The following LTV1 variants were observed in gnomAD, a reference collection of about 807,000 sequenced individuals.
The protein encoded by LTV1 is protein LTV1 homolog.
A neutral mutation model predicts 59.9 loss-of-function variants in LTV1; 39 were observed. The ratio of observed to expected loss-of-function variants is 0.65; its 90% CI spans 0.50 to 0.85. The LOEUF (loss-of-function observed/expected upper bound fraction) is 0.85, where lower values mean the gene tolerates loss of function less well. LTV1 is among the 40% of genes least tolerant of loss of function. The probability of loss-of-function intolerance (pLI) is 0.00; values close to 1 mark genes in which losing one functional copy is unlikely to be tolerated. For missense variants in LTV1, 493 were observed against 549.1 expected, an observed-to-expected ratio of 0.90 and a Z score of 1.02; for synonymous variants, 171 against 189.5, an observed-to-expected ratio of 0.90 and a Z score of 0.80.
Position 143,846,229 on chromosome 6 carries a change from G to T in LTV1, c.309+5G>T. ...GAAGAAACGCTAGTAATTCCAGTAA[G>T]GCTTTTCAGCAATTTAATTGTGGGA... On this transcript the variant is annotated splice_donor_5th_base_variant and intron_variant, in intron 3 of 10. Transcript: ENST00000367576. The T allele has an allele frequency of 6.2e-7, 1 of 1,606,212 alleles. No individual in the cohort carries two copies. Among genetic ancestry groups the T allele is most frequent in the Non-Finnish European group, 8.5e-7 (1 of 1,176,776 alleles).
chr6:143,846,117 T>A lies in LTV1; in HGVS notation c.202T>A (p.Tyr68Asn). 2 of 1,614,242 alleles carry A rather than the reference T, an allele frequency of 1.2e-6. No homozygotes were observed. ...YGVFFDDDYD[Y>N]LQHLKEPSGP... ...AGTGTTCTTTGATGACGACTATGAC[T>A]ACCTGCAGCACCTGAAGGAACCATC... The change falls in exon 3 of 11, where the codon TAC becomes AAC. Residue 68 changes from tyrosine (Y) to asparagine (N), a missense_variant. Coordinates refer to ENST00000367576, the MANE Select transcript of LTV1 (RefSeq NM_032860.5).
At position 143,857,420 on chromosome 6, in the gene LTV1, G is replaced by C; in HGVS notation, c.515G>C (p.Gly172Ala). Residue 172 changes from glycine to alanine, a missense_variant, in exon 5 of 11, where the codon GGA becomes GCA. Physicochemically the swap from Gly to Ala is moderately conservative, Grantham distance 60. Coordinates refer to ENST00000367576, the MANE Select transcript of LTV1 (RefSeq NM_032860.5). This position sits in a 1 kb window ranked among gnomAD's most constrained non-coding sequence, Gnocchi z 5.2. The stretch of plus-strand genomic sequence containing the variant: ...ATTCTTCAGGCCAATAAGGCAACAG[G>C]AGAGGAAGAGGGAATGGATATACAG... Reference protein sequence around the residue: ...DFILQANKATGEEEGMDIQKS... With the variant: ...DFILQANKATAEEEGMDIQKS... The C allele has an allele frequency of 6.2e-7, 1 of 1,614,056 alleles. No homozygotes were observed. The highest frequency in any genetic ancestry group is 1.7e-5 in the Admixed American group (1 of 60,032).
intron 7 of LTV1, among the ~76,000 whole-genome samples, 195 bp downstream of exon 7, chr6:143,860,748 A>G (rs1295505327): frequency 3.3e-5 from 5 of 152,222 alleles, no homozygotes; most frequent in Admixed American, 6.5e-5. Context: ...TACATTTTCC[A>G]TAAACTTGGG....
chr6:143,843,512 G>T (rs776363651), intron 1 of LTV1, 32 bp downstream of exon 1: 2 of 1,613,276 alleles, frequency 1.2e-6, no homozygotes, highest in Non-Finnish European at 1.7e-6. Flanking sequence ...CGGCGGCCGA[G>T]CGCTGTGGTT....
chr6:143,853,210 T>G (rs1290025426), intron 4 of LTV1, among the ~76,000 whole-genome samples: 4 of 152,208 alleles, frequency 2.6e-5, no homozygotes. Flanking sequence ...TTCCTAGGTA[T>G]TTTATTCTCT....
chr6:143,843,368 C>T lies in LTV1; in HGVS notation c.-110C>T, dbSNP rs912586281. On this transcript the variant is annotated 5_prime_UTR_variant, in exon 1 of 11. The change creates a new upstream start codon in the 5' untranslated region. Coordinates refer to ENST00000367576, the MANE Select transcript of LTV1 (RefSeq NM_032860.5). The stretch of plus-strand genomic sequence containing the variant: ...GTTATCGCCGGGTCCTGGGGCTGCA[C>T]GTGTGGTGAGGCCTACAGAAGCGGC... 2.3e-6 allele frequency: 3 copies of T among 1,330,784 alleles called. No individual in the cohort carries two copies. Among genetic ancestry groups the T allele is most frequent in the East Asian group, 2.3e-5 (1 of 43,522 alleles). 82.4% of individuals were successfully genotyped at this position (1,330,784 alleles called of 1,614,324 possible).
rs571691303 is a variant in LTV1 at position 143,847,322 on chromosome 6, G to A, written c.309+1098G>A. ...GGGAGAAAATTCTTAGTAAAGTCTT[G>A]CCTGGCTTGTATTGACCAGTACAAG... On this transcript the variant is annotated intron_variant, in intron 3 of 10. Transcript: ENST00000367576. 7.9e-5 allele frequency among the ~76,000 whole-genome samples: 12 copies of A among 152,298 alleles called. No homozygotes were observed. In the South Asian group the frequency reaches 1.9e-3, roughly 24 times the overall value.
At chr6:143,847,800 T>C (rs1776917732) in intron 3 of LTV1, among the ~76,000 whole-genome samples, 1 of 152,198 alleles carries the variant, frequency 6.6e-6, no homozygotes, top group Non-Finnish European at 1.5e-5. Context: ...AACAGAAGTG[T>C]GGTTGGTTTT....
rs1418743788 is a variant in LTV1, at chr6:143,862,165, G to A, written c.985G>A (p.Asp329Asn). 3.1e-6 allele frequency: 5 copies of A among 1,614,046 alleles called. No homozygotes were observed. The change falls in exon 8 of 11, where the codon GAT (aspartate) becomes AAT (asparagine). Residue 329 changes from aspartate to asparagine, a missense_variant. Coordinates refer to ENST00000367576, the MANE Select transcript of LTV1 (RefSeq NM_032860.5). This position sits in a 1 kb window ranked among gnomAD's most constrained non-coding sequence, Gnocchi z 4.2. ...TCAAGACCTGCCAATGAATGAGCTT[G>A]ATGAGTCTGAGGAGGAAGAAATGAT... Reference protein sequence around the residue: ...EDQDLPMNELDESEEEEMITV... With the variant: ...EDQDLPMNELNESEEEEMITV...
At position 143,858,105 on chromosome 6, in the gene LTV1, C is replaced by T. The variant is rs1399495064; in HGVS notation, c.795+98C>T. 4 of 1,095,218 alleles carry T rather than the reference C, an allele frequency of 3.7e-6. No individual in the cohort carries two copies. The African/African-American group carries it at 4.7e-5, about 13-fold the overall frequency. The allele number at this position is 1,095,218 out of a possible 1,614,324, so 67.8% of individuals were successfully genotyped here. On this transcript the variant is annotated intron_variant, in intron 6 of 10. Coordinates refer to ENST00000367576, the MANE Select transcript of LTV1 (RefSeq NM_032860.5). ...TAGCCCAGGTTGAAGTGCTCACCAA[C>T]CACAAAGTCAATCATAGGAAGTTTA...
At chr6:143,844,893 A>C (rs555801977) in intron 2 of LTV1, among the ~76,000 whole-genome samples, 1 of 152,332 alleles carries the variant, frequency 6.6e-6, no homozygotes, top group South Asian at 2.1e-4. Context: ...AATTTTCAGT[A>C]CAATTGGTGA....
chr6:143,846,958 C>T (rs1319333557), intron 3 of LTV1, among the ~76,000 whole-genome samples: 1 of 152,248 alleles, frequency 6.6e-6, no homozygotes, highest in Non-Finnish European at 1.5e-5. Flanking sequence ...CCCTGCTCCT[C>T]ATTCCCCAAT....
In LTV1 at chr6:143,855,999, TCTC is replaced by T. The variant is rs1239306045; in HGVS notation, c.398-1301_398-1299del. Among the ~76,000 whole-genome samples, 1 of 152,170 alleles carries T rather than the reference TCTC, an allele frequency of 6.6e-6. No individual in the cohort carries two copies. Among genetic ancestry groups the T allele is most frequent in the Non-Finnish European group, 1.5e-5 (1 of 68,024 alleles). On this transcript the variant is annotated intron_variant, in intron 4 of 10. Transcript: ENST00000367576. This position sits in a 1 kb window ranked among gnomAD's most constrained non-coding sequence, Gnocchi z 4.6. Reference sequence around the variant, plus strand: ...GCCTCTCTTGCTAGGTTGGGTAAGTTCTCCTGGATAATATCCTGAAGAGTGTTT... The same window carrying T: ...GCCTCTCTTGCTAGGTTGGGTAAGTTCTGGATAATATCCTGAAGAGTGTTT...
At chr6:143,854,527 A>G (rs935986791) in intron 4 of LTV1, among the ~76,000 whole-genome samples, 1 of 151,824 alleles carries the variant, frequency 6.6e-6, no homozygotes, top group African/African-American at 2.4e-5. Context: ...ACTTCTTTTA[A>G]TTGTGATGTT....
At position 143,847,472 on chromosome 6, in the gene LTV1, C is replaced by T. The variant is rs570201780; in HGVS notation, c.309+1248C>T. Among the ~76,000 whole-genome samples, 5 of 152,328 alleles carry T rather than the reference C, an allele frequency of 3.3e-5. No individual in the cohort carries two copies. In the East Asian group the frequency reaches 9.7e-4, roughly 29 times the overall value. On this transcript the variant is annotated intron_variant, in intron 3 of 10. Transcript: ENST00000367576. ...CGCCTCCCGGGTTCAAGCGATTCTC[C>T]TGCCTCAGCCTCCCTAGAAGCTGGG...
In LTV1 at chr6:143,860,423, AAGTTTTATG is replaced by A; in HGVS notation, c.796_804del (p.Phe266_Glu268del). The A allele has an allele frequency of 6.2e-7, 1 of 1,612,096 alleles. No homozygotes were observed. The highest frequency in any genetic ancestry group is 1.3e-5 in the African/African-American group (1 of 74,956). On this transcript the variant is annotated splice_acceptor_variant and coding_sequence_variant, in exon 7 of 11. Coordinates refer to ENST00000367576, the MANE Select transcript of LTV1 (RefSeq NM_032860.5). LOFTEE classifies it high-confidence loss of function. ...TGGTATCTTTTCTCTGTTTATATTCAAGTTTTATGAGCAATATGATGATGATGAAATTGG... is the reference window on the plus strand; with the variant it reads ...TGGTATCTTTTCTCTGTTTATATTCAAGCAATATGATGATGATGAAATTGG...
At position 143,855,399 on chromosome 6, in the gene LTV1, A is replaced by G. The variant is rs151138344; in HGVS notation, c.398-1904A>G. The stretch of plus-strand genomic sequence containing the variant: ...CTGATGGGTCTTGACTCTTTATCCA[A>G]TTTGCCAATCTGTGTCTTTTAATTG... On this transcript the variant is annotated intron_variant, in intron 4 of 10. Transcript: ENST00000367576. This position sits in a 1 kb window ranked among gnomAD's most constrained non-coding sequence, Gnocchi z 4.6. 6.6e-5 allele frequency among the ~76,000 whole-genome samples: 10 copies of G among 152,198 alleles called. No individual in the cohort carries two copies. The highest frequency in any genetic ancestry group is 1.3e-4 in the Admixed American group (2 of 15,284).
intron 7 of LTV1, among the ~76,000 whole-genome samples, chr6:143,861,597 T>A (rs1282471627): frequency 2.0e-5 from 3 of 152,160 alleles, no homozygotes; most frequent in African/African-American, 7.2e-5. Flanking sequence ...AAGACAAGAA[T>A]TTGTCTCTCC....
intron 6 of LTV1, among the ~76,000 whole-genome samples, chr6:143,859,220 A>G (rs1266754186): frequency 1.3e-5 from 2 of 152,214 alleles, no homozygotes; most frequent in African/African-American, 4.8e-5. Flanking sequence ...GTATTTTCAT[A>G]TACTCTATTT....
Sources: allele counts gnomAD v4.1 joint callset (sites outside exome capture counted in the v4.1 genomes callset), GRCh38; gene constraint gnomAD v4.1.1; non-coding constraint Gnocchi (gnomAD v3.1); transcripts MANE v1.5; gene names NCBI Gene and HGNC (gene_info 2026-07-23, HGNC 2026-07-21).